TAF3: variants seen among roughly 807,000 people sequenced by gnomAD.
The protein encoded by TAF3 is transcription initiation factor TFIID subunit 3.
Under a neutral mutation model 80.6 loss-of-function variants are expected in TAF3, and 7 were observed. The ratio of observed to expected loss-of-function variants is 0.09; its 90% CI spans 0.05 to 0.16. The LOEUF is 0.16. TAF3 is among the 10% of genes least tolerant of loss of function. The pLI is 1.00. For synonymous variants in TAF3, 444 were observed against 446.1 expected (o/e 1.00, Z 0.06); for missense variants, 921 against 1,140.2 (o/e 0.81, Z 2.77).
chr10:7,986,133 A>AT (rs979656805), intron 4 of TAF3, among the ~76,000 whole-genome samples: 1 of 150,944 alleles, frequency 6.6e-6, no homozygotes, highest in African/African-American at 2.4e-5. Context: ...TTATGGACTT[A>AT]TTTTTTTTCC....
intron 2 of TAF3, among the ~76,000 whole-genome samples, chr10:7,920,332 A>G (rs112403007): frequency 0.021 from 611 of 28,816 alleles, 3 homozygotes; most frequent in South Asian, 0.095. Flanking sequence ...GTGTGTGTGT[A>G]TGTGTGTGTG....
chr10:7,960,972 C>CTT (rs1274652084), intron 2 of TAF3, among the ~76,000 whole-genome samples: 1 of 152,124 alleles, frequency 6.6e-6, no homozygotes, highest in Non-Finnish European at 1.5e-5. Flanking sequence ...CAAACTGCTT[C>CTT]TGAAGGAAGC....
At chr10:7,978,635 T>C (rs1366447197) in intron 4 of TAF3, among the ~76,000 whole-genome samples, 1 of 152,208 alleles carries the variant, frequency 6.6e-6, no homozygotes, top group Admixed American at 6.5e-5. Context: ...GCATGAAGAA[T>C]GTCCTCATCC....
chr10:7,849,854 A>AT (rs1367042333), intron 2 of TAF3, among the ~76,000 whole-genome samples: 18 of 151,820 alleles, frequency 1.2e-4, no homozygotes, highest in Non-Finnish European at 2.5e-4. Flanking sequence ...TAATTTGTGT[A>AT]TTTTTTGTAG....
chr10:7,943,274 A>G (rs1020440545), intron 2 of TAF3, among the ~76,000 whole-genome samples: 1 of 152,098 alleles, frequency 6.6e-6, no homozygotes, highest in East Asian at 1.9e-4. Context: ...TCTGGCTCCT[A>G]CGCATCACGT....
chr10:7,964,484 A>G lies in TAF3; in HGVS notation c.974A>G (p.Lys325Arg), dbSNP rs547963507. 6.8e-6 allele frequency: 11 copies of G among 1,613,616 alleles called. No individual in the cohort carries two copies. Among genetic ancestry groups the G allele is most frequent in the African/African-American group, 6.7e-5 (5 of 74,978 alleles). The change falls in exon 3 of 7, where the codon AAG becomes AGG. Residue 325 changes from lysine to arginine, a missense_variant. Transcript: ENST00000344293. This position sits in a 1 kb window ranked among gnomAD's most constrained non-coding sequence, Gnocchi z 4.1. ...AGCCCCAAGAGTCCCAAGAGCCCCAAGGTCACGACTCACATTCCCCAAACA... is the reference window on the plus strand; with the variant it reads ...AGCCCCAAGAGTCCCAAGAGCCCCAGGGTCACGACTCACATTCCCCAAACA... ...SKSPKSPKSP[K>R]VTTHIPQTPV...
chr10:7,929,033 A>G lies in TAF3; in HGVS notation c.410-34887A>G, dbSNP rs552696518. 1.7e-3 allele frequency among the ~76,000 whole-genome samples: 256 copies of G among 152,294 alleles called. 1 individual carries two copies. Among genetic ancestry groups the G allele is most frequent in the Middle Eastern group, 3.4e-3 (1 of 294 alleles). On this transcript the variant is annotated intron_variant, in intron 2 of 6. Coordinates refer to ENST00000344293, the MANE Select transcript of TAF3 (RefSeq NM_031923.4). The stretch of plus-strand genomic sequence containing the variant: ...TTGTTGCAAAGCAAAATTAGCAGAA[A>G]CTTGAATTTAATGTAATAACAGTAT...
chr10:7,973,340 G>T (rs531003891), intron 3 of TAF3, among the ~76,000 whole-genome samples: 17 of 152,322 alleles, frequency 1.1e-4, no homozygotes, highest in Admixed American at 3.3e-4. Context: ...TTATTGGAAT[G>T]CGTACATGCT....
chr10:7,833,899 G>T, intron 2 of TAF3: 1 of 764,886 alleles, frequency 1.3e-6, no homozygotes, highest in Non-Finnish European at 1.8e-6. Flanking sequence ...CCCTTCAGCC[G>T]CTGCACAGTG....
rs753885610 is a variant in TAF3, at chr10:7,965,103, T to C, written c.1593T>C (p.Thr531=). 2 of 1,612,254 alleles carry C rather than the reference T, an allele frequency of 1.2e-6. No homozygotes were observed. Among genetic ancestry groups the C allele is most frequent in the Non-Finnish European group, 1.7e-6 (2 of 1,179,614 alleles). ...VKKKLKKELK[T]KMKKKEKQRD... The stretch of plus-strand genomic sequence containing the variant: ...AGAAGTTGAAAAAGGAACTAAAGAC[T>C]AAAATGAAAAAGAAAGAAAAGCAGA... Residue 531 remains threonine (T), a synonymous_variant, in exon 3 of 7, where the codon ACT becomes ACC. Transcript: ENST00000344293.
At chr10:7,907,134 A>G (rs1381622352) in intron 2 of TAF3, among the ~76,000 whole-genome samples, 2 of 152,224 alleles carry the variant, frequency 1.3e-5, no homozygotes, top group African/African-American at 2.4e-5. Context: ...GGTCTGGCAC[A>G]TATGGAGTAG....
chr10:7,917,825 G>T (rs1837725841), intron 2 of TAF3, among the ~76,000 whole-genome samples: 1 of 152,218 alleles, frequency 6.6e-6, no homozygotes. Flanking sequence ...AACTGAAAAT[G>T]GACCATTGGA....
chr10:8,000,869 A>G (rs2131434838), intron 4 of TAF3, among the ~76,000 whole-genome samples: 1 of 152,302 alleles, frequency 6.6e-6, no homozygotes, highest in East Asian at 1.9e-4. Context: ...ACTTTTTTCT[A>G]AGTATACACT....
chr10:7,985,996 C>G (rs1225452616), intron 4 of TAF3, among the ~76,000 whole-genome samples: 1 of 152,010 alleles, frequency 6.6e-6, no homozygotes, highest in Non-Finnish European at 1.5e-5. Context: ...GTTGGCCAGG[C>G]TGGCCTCAAA....
At chr10:7,868,408 A>C (rs1156561800) in intron 2 of TAF3, among the ~76,000 whole-genome samples, 2 of 151,414 alleles carry the variant, frequency 1.3e-5, no homozygotes, top group South Asian at 2.1e-4. Context: ...GGTCAAGTCT[A>C]GTGACCATCA....
At chr10:7,895,727 C>CT (rs33967138) in intron 2 of TAF3, among the ~76,000 whole-genome samples, 44,243 of 152,076 alleles carry the variant, frequency 0.29, 6,708 homozygotes, top group African/African-American at 0.37. Flanking sequence ...TGTGTGGCCT[C>CT]TATCTACAGT....
rs71505465 is a variant in TAF3 at position 7,842,151 on chromosome 10, G to GTTTTTTT, written c.409+17597_409+17603dup. Among the ~76,000 whole-genome samples the GTTTTTTT allele has an allele frequency of 4.9e-4, 48 of 98,796 alleles. 5 individuals carry two copies. The highest frequency in any genetic ancestry group is 6.6e-4 in the Non-Finnish European group (31 of 46,636). 64.8% of individuals were successfully genotyped at this position (98,796 alleles called of 152,430 possible). A position where few individuals can be genotyped will look rare whatever the true frequency, so the allele number is the denominator to read the frequency against. On this transcript the variant is annotated intron_variant, in intron 2 of 6. Transcript: ENST00000344293. The stretch of plus-strand genomic sequence containing the variant: ...CATTGTAGGATATTGAATTAATATT[G>GTTTTTTT]TTTTTTTTTTTTGTTTTTTTTTTTG...
intron 2 of TAF3, among the ~76,000 whole-genome samples, chr10:7,963,428 A>C (rs1645225231): frequency 6.6e-6 from 1 of 152,236 alleles, no homozygotes; most frequent in South Asian, 2.1e-4. Context: ...GTGAAAGGAC[A>C]ATGATCAATT....
intron 2 of TAF3, among the ~76,000 whole-genome samples, chr10:7,890,716 A>G (rs1322735676): frequency 6.6e-6 from 1 of 152,216 alleles, no homozygotes; most frequent in Non-Finnish European, 1.5e-5. Context: ...TTACAAAGCA[A>G]TCAGTGCAGA....
Sources: gnomAD v4.1 joint callset for allele counts (sites outside exome capture counted in the v4.1 genomes callset) on GRCh38, gnomAD v4.1.1 for gene constraint, Gnocchi (gnomAD v3.1) non-coding constraint, MANE v1.5 for transcripts, NCBI Gene and HGNC (gene_info 2026-07-23, HGNC 2026-07-21) for gene names.